The following KCNQ3 variants were observed in gnomAD, a reference collection of about 807,000 sequenced individuals.
KCNQ3 encodes the protein potassium voltage-gated channel subfamily KQT member 3.
In KCNQ3, 30 loss-of-function variants were observed where a neutral mutation model predicts 92.5. That is an observed-to-expected ratio of 0.32 (90% CI 0.24 to 0.44). The LOEUF (loss-of-function observed/expected upper bound fraction) is 0.44, where lower values mean the gene tolerates loss of function less well. Ranked by LOEUF, KCNQ3 falls within the 20% of genes least tolerant of loss-of-function variation. KCNQ3 has a pLI of 1.00. For missense variants in KCNQ3, 913 were observed against 1,140.3 expected (o/e 0.80, Z 2.87); for synonymous variants, 450 against 468.8 (o/e 0.96, Z 0.52).
At chr8:132,139,763 A>G (rs1825224358) in intron 11 of KCNQ3, among the ~76,000 whole-genome samples, 1 of 152,188 alleles carries the variant, frequency 6.6e-6, no homozygotes, top group South Asian at 2.1e-4. Context: ...CCACTCTGAC[A>G]CCCTTTAAAA....
chr8:132,266,686 C>T (rs982497348), intron 1 of KCNQ3, among the ~76,000 whole-genome samples: 1 of 152,148 alleles, frequency 6.6e-6, no homozygotes, highest in African/African-American at 2.4e-5. Context: ...AGCTGCATCA[C>T]GATCTCTGAA....
At chr8:132,314,306 C>T (rs1200638993) in intron 1 of KCNQ3, among the ~76,000 whole-genome samples, 2 of 151,842 alleles carry the variant, frequency 1.3e-5, no homozygotes, top group African/African-American at 4.8e-5. Flanking sequence ...AATAAAAGTC[C>T]CGACATTAAG....
intron 1 of KCNQ3, among the ~76,000 whole-genome samples, chr8:132,387,470 T>A (rs10089210): frequency 3.9e-5 from 6 of 152,132 alleles, no homozygotes; most frequent in Non-Finnish European, 5.9e-5. Flanking sequence ...TTAGAGCTAG[T>A]TTCACTAAGA....
intron 1 of KCNQ3, among the ~76,000 whole-genome samples, chr8:132,473,406 C>T (rs1432862402): frequency 2.0e-5 from 3 of 152,124 alleles, no homozygotes; most frequent in Non-Finnish European, 2.9e-5. Flanking sequence ...GGGACGTTGA[C>T]CAGATGACCA....
chr8:132,295,579 C>A (rs1326815635), intron 1 of KCNQ3, among the ~76,000 whole-genome samples: 1 of 152,192 alleles, frequency 6.6e-6, no homozygotes, highest in East Asian at 1.9e-4. Context: ...AAGATACATG[C>A]ATGTGTATGT....
intron 1 of KCNQ3, among the ~76,000 whole-genome samples, chr8:132,442,162 C>A (rs1454817421): frequency 1.3e-5 from 2 of 152,112 alleles, no homozygotes; most frequent in Non-Finnish European, 2.9e-5. Flanking sequence ...ATAATCTGTA[C>A]AACAAACCCC....
intron 1 of KCNQ3, among the ~76,000 whole-genome samples, chr8:132,423,413 C>T (rs1490678648): frequency 6.6e-6 from 1 of 152,166 alleles, no homozygotes; most frequent in Non-Finnish European, 1.5e-5. Context: ...GCAATACTTA[C>T]TCCTGAACAT....
rs140152145 is a variant in KCNQ3 at position 132,133,575 on chromosome 8, C to T, written c.1799+715G>A. On this transcript the variant is annotated intron_variant, in intron 13 of 14. Coordinates refer to ENST00000388996, the MANE Select transcript of KCNQ3 (RefSeq NM_004519.4). ...TTCACTATGTTGGCCAGGCTGGTCT[C>T]GAGCTCCTGACCTCATGATCCACCC... 3.2e-4 allele frequency among the ~76,000 whole-genome samples: 49 copies of T among 152,100 alleles called. No individual in the cohort carries two copies. The East Asian group carries it at 8.3e-3, about 26-fold the overall frequency.
intron 1 of KCNQ3, among the ~76,000 whole-genome samples, chr8:132,259,887 A>C (rs1265405986): frequency 6.6e-6 from 1 of 152,184 alleles, no homozygotes; most frequent in Non-Finnish European, 1.5e-5. Context: ...TAAATTAAGA[A>C]TATAATTACA....
intron 14 of KCNQ3, among the ~76,000 whole-genome samples, chr8:132,131,376 T>G (rs961218395): frequency 2.6e-5 from 4 of 152,180 alleles, no homozygotes; most frequent in African/African-American, 9.7e-5. Context: ...AAGAGTGAGC[T>G]GCATGGTGCT....
chr8:132,187,098 G>A (rs1008106674), intron 1 of KCNQ3: 1 of 446,528 alleles, frequency 2.2e-6, no homozygotes, highest in African/African-American at 2.0e-5. Flanking sequence ...TGTCCAAAAG[G>A]GAATTTATAA....
intron 1 of KCNQ3, among the ~76,000 whole-genome samples, chr8:132,308,569 G>A (rs867797471): frequency 1.1e-4 from 17 of 152,152 alleles, no homozygotes; most frequent in Non-Finnish European, 1.6e-4. Flanking sequence ...AGGGGCACAC[G>A]TAAGGGAAAT....
chr8:132,326,035 G>C (rs922398963), intron 1 of KCNQ3, among the ~76,000 whole-genome samples: 1 of 152,190 alleles, frequency 6.6e-6, no homozygotes, highest in East Asian at 1.9e-4. Flanking sequence ...AATGGCTACT[G>C]CCATTGAGAG....
In KCNQ3 at chr8:132,480,698, G is replaced by C; in HGVS notation, c.-166C>G. The C allele has an allele frequency of 1.4e-6, 1 of 725,354 alleles. No homozygotes were observed. The highest frequency in any genetic ancestry group is 1.7e-6 in the Non-Finnish European group (1 of 587,098). 44.9% of individuals were successfully genotyped at this position (725,354 alleles called of 1,614,324 possible). The stretch of plus-strand genomic sequence containing the variant: ...CCCCCCCAAAAGCAGGCAAAGGCGG[G>C]CCCCCTGGGGGGCAGGGGAGGCCAG... On this transcript the variant is annotated 5_prime_UTR_variant, in exon 1 of 15. Transcript: ENST00000388996.
intron 1 of KCNQ3, among the ~76,000 whole-genome samples, chr8:132,310,323 G>C (rs1224679034): frequency 6.6e-6 from 1 of 152,158 alleles, no homozygotes; most frequent in Middle Eastern, 3.2e-3. Flanking sequence ...GTAACATAAA[G>C]ATCCCCCAGC....
At chr8:132,261,431 T>C (rs1408223431) in intron 1 of KCNQ3, among the ~76,000 whole-genome samples, 1 of 152,152 alleles carries the variant, frequency 6.6e-6, no homozygotes, top group Non-Finnish European at 1.5e-5. Context: ...GTGGCCTGAG[T>C]CTCTCATGCA....
intron 1 of KCNQ3, among the ~76,000 whole-genome samples, chr8:132,228,000 C>A (rs1003947574): frequency 5.1e-4 from 78 of 151,484 alleles, no homozygotes; most frequent in Non-Finnish European, 1.3e-4. Flanking sequence ...AAAAAAAAAA[C>A]CCAATAAATC....
At chr8:132,423,418 G>A (rs1821024273) in intron 1 of KCNQ3, among the ~76,000 whole-genome samples, 1 of 152,126 alleles carries the variant, frequency 6.6e-6, no homozygotes, top group Non-Finnish European at 1.5e-5. Context: ...ACTTACTCCT[G>A]AACATCCATC....
At chr8:132,473,725 A>G (rs1587054260) in intron 1 of KCNQ3, among the ~76,000 whole-genome samples, 3 of 152,320 alleles carry the variant, frequency 2.0e-5, no homozygotes, top group East Asian at 3.9e-4. Context: ...AGACCATACC[A>G]GCTATAAGAA....
Sources: gnomAD v4.1 joint callset for allele counts (sites outside exome capture counted in the v4.1 genomes callset) on GRCh38, gnomAD v4.1.1 for gene constraint, MANE v1.5 for transcripts, NCBI Gene and HGNC (gene_info 2026-07-23, HGNC 2026-07-21) for gene names.